The following ZNF536 variants were observed in gnomAD, a reference collection of about 807,000 sequenced individuals.
The protein encoded by ZNF536 is zinc finger protein 536.
In ZNF536, 13 loss-of-function variants were observed where a neutral mutation model predicts 84.5. The observed-to-expected ratio is 0.15, with a 90% CI of 0.10 to 0.24. ZNF536 has a LOEUF of 0.24. Among genes scored for constraint, ZNF536 ranks in the 10% least tolerant of loss-of-function variants. The pLI is 1.00. For missense variants in ZNF536, 1,536 were observed against 1,747.5 expected (o/e 0.88, Z 2.16); for synonymous variants, 811 against 742.5 (o/e 1.09, Z -1.50).
At chr19:30,348,870 T>C (rs1884753262) in intron 2 of ZNF536, among the ~76,000 whole-genome samples, 1 of 151,620 alleles carries the variant, frequency 6.6e-6, no homozygotes, top group Admixed American at 6.6e-5. Context: ...TGAATGCCAG[T>C]GCACCTGTTT....
At chr19:30,622,139 G>A (rs2048505336) in intron 1 of ZNF536, among the ~76,000 whole-genome samples, 1 of 152,176 alleles carries the variant, frequency 6.6e-6, no homozygotes. Flanking sequence ...TGACCCTTAG[G>A]CAGATGGGAA....
intron 2 of ZNF536, among the ~76,000 whole-genome samples, chr19:30,511,325 A>G (rs888933519): frequency 9.9e-5 from 15 of 152,236 alleles, no homozygotes; most frequent in Non-Finnish European, 1.0e-4. Flanking sequence ...TTTTGTTTAC[A>G]TTAAAAGCTA....
upstream of ZNF536, among the ~76,000 whole-genome samples, chr19:30,371,349 C>T (rs969100842): frequency 6.6e-6 from 1 of 152,198 alleles, no homozygotes; most frequent in African/African-American, 2.4e-5. Flanking sequence ...CCGCTCTCAT[C>T]ACTCCAGTAT....
At chr19:30,643,577 G>T (rs531327517) in intron 1 of ZNF536, among the ~76,000 whole-genome samples, 1 of 152,050 alleles carries the variant, frequency 6.6e-6, no homozygotes, top group South Asian at 2.1e-4. Context: ...TTCCGGACAG[G>T]TACTTTTTAA....
chr19:30,552,615 C>T (rs1386004920), intron 4 of ZNF536, among the ~76,000 whole-genome samples: 1 of 152,198 alleles, frequency 6.6e-6, no homozygotes, highest in Non-Finnish European at 1.5e-5. Context: ...TCCATCATTT[C>T]TGCATGCCTT....
chr19:30,335,916 C>T (rs1386529326), intron 2 of ZNF536, among the ~76,000 whole-genome samples: 1 of 152,046 alleles, frequency 6.6e-6, no homozygotes, highest in African/African-American at 2.4e-5. Flanking sequence ...GCTCAGATGA[C>T]CATCCCCACT....
chr19:30,363,943 G>A (rs1423467621), intron 3 of ZNF536, among the ~76,000 whole-genome samples: 1 of 152,200 alleles, frequency 6.6e-6, no homozygotes, highest in African/African-American at 2.4e-5. Flanking sequence ...GAATTGAAGT[G>A]GTCATTCCCA....
At chr19:30,553,499 A>G (rs1404867666) in intron 4 of ZNF536, among the ~76,000 whole-genome samples, 6 of 152,246 alleles carry the variant, frequency 3.9e-5, no homozygotes, top group Non-Finnish European at 7.3e-5. Context: ...CAGGTCTCCC[A>G]GTCAGGCTTT....
At chr19:30,547,703 TAA>T (rs1477840880) in intron 3 of ZNF536, among the ~76,000 whole-genome samples, 3 of 152,186 alleles carry the variant, frequency 2.0e-5, no homozygotes, top group Non-Finnish European at 2.9e-5. Flanking sequence ...ACATGTTAGA[TAA>T]AGAAAAAGAT....
At chr19:30,457,309 C>G (rs1312661048) in intron 2 of ZNF536, among the ~76,000 whole-genome samples, 1 of 152,234 alleles carries the variant, frequency 6.6e-6, no homozygotes, top group Admixed American at 6.5e-5. Flanking sequence ...CTGGTGACTT[C>G]CTGGAGGAAG....
chr19:30,308,895 C>T (rs887107602), intron 2 of ZNF536, among the ~76,000 whole-genome samples: 22 of 152,114 alleles, frequency 1.4e-4, no homozygotes, highest in Admixed American at 6.5e-5. Context: ...GAGAAAATGG[C>T]GCTTGAGAAT....
intron 1 of ZNF536, among the ~76,000 whole-genome samples, chr19:30,644,621 G>GT (rs1385862812): frequency 3.9e-5 from 6 of 152,172 alleles, no homozygotes; most frequent in Admixed American, 3.3e-4. Context: ...GCGGTGTTTG[G>GT]TTTTTTGTCC....
chr19:30,572,693 A>C (rs2046593296), intron 1 of ZNF536, among the ~76,000 whole-genome samples: 1 of 152,158 alleles, frequency 6.6e-6, no homozygotes, highest in Non-Finnish European at 1.5e-5. Context: ...GGACACTGAC[A>C]AACAAACAAA....
At chr19:30,448,934 G>C (rs531285781) in intron 2 of ZNF536, among the ~76,000 whole-genome samples, 1 of 152,326 alleles carries the variant, frequency 6.6e-6, no homozygotes, top group South Asian at 2.1e-4. Flanking sequence ...GGCTAATGTG[G>C]GATGCAGCTG....
At chr19:30,657,410 C>G in intron 1 of ZNF536, among the ~76,000 whole-genome samples, 1 of 152,210 alleles carries the variant, frequency 6.6e-6, no homozygotes, top group East Asian at 1.9e-4. Context: ...GTCCAAGAGG[C>G]GGCCGCCAGC....
At chr19:30,385,153 A>T (rs1177007266) in intron 1 of ZNF536, among the ~76,000 whole-genome samples, 4 of 151,952 alleles carry the variant, frequency 2.6e-5, no homozygotes, top group African/African-American at 9.7e-5. Context: ...TGCCCCAGGC[A>T]TCCTTCTCTT....
intron 1 of ZNF536, among the ~76,000 whole-genome samples, chr19:30,684,975 T>C (rs1345732963): frequency 6.6e-6 from 1 of 152,198 alleles, no homozygotes; most frequent in African/African-American, 2.4e-5. Flanking sequence ...GGGAGGGGGT[T>C]GTCTCAATTA....
chr19:30,572,867 A>G (rs1420699770), intron 1 of ZNF536, among the ~76,000 whole-genome samples: 2 of 152,214 alleles, frequency 1.3e-5, no homozygotes, highest in Non-Finnish European at 2.9e-5. Flanking sequence ...CACATGTATC[A>G]CATGGATAGA....
chr19:30,403,031 A>G (rs1275109289), intron 1 of ZNF536, among the ~76,000 whole-genome samples: 2 of 151,916 alleles, frequency 1.3e-5, no homozygotes, highest in Non-Finnish European at 2.9e-5. Flanking sequence ...CCCTGGTAGG[A>G]ATGCCTGCAA....
Sources: allele counts gnomAD v4.1 joint callset (sites outside exome capture counted in the v4.1 genomes callset), GRCh38; gene constraint gnomAD v4.1.1; transcripts MANE v1.5; gene names NCBI Gene and HGNC (gene_info 2026-07-23, HGNC 2026-07-21).